The following RGS16 variants were observed in gnomAD, a reference collection of about 807,000 sequenced individuals.
RGS16 encodes regulator of G protein signaling 16.
In RGS16, 12 loss-of-function variants were observed where a neutral mutation model predicts 18.1. The observed-to-expected ratio is 0.66, with a 90% confidence interval of 0.42 to 1.07. The LOEUF (loss-of-function observed/expected upper bound fraction) is 1.07, where lower values mean the gene tolerates loss of function less well. RGS16 is among the 50% of genes least tolerant of loss of function. The pLI is 0.00. For synonymous variants in RGS16, 88 were observed against 102.0 expected, an observed-to-expected ratio of 0.86 and a Z score of 0.83; for missense variants, 238 against 249.2, an observed-to-expected ratio of 0.95 and a Z score of 0.30.
Position 182,600,366 on chromosome 1 carries a change from C to A in RGS16, c.535G>T (p.Asp179Tyr), listed in dbSNP as rs150608924. 2.3e-4 allele frequency: 369 copies of A among 1,613,838 alleles called. 4 individuals are homozygous for A. In the African/African-American group the frequency reaches 4.4e-3, roughly 19 times the overall value. ...GCGGCTGAGGCTTGGGCAGCCAGGT[C>A]CCGGTAAGCAGGCGACTTCAGGAAG... ...PRFLKSPAYR[D>Y]LAAQASAASA... is the part of the protein sequence containing the mutation. The change falls in exon 5 of 5, where the codon GAC becomes TAC. Residue 179 changes from aspartate to tyrosine, a missense_variant. By Grantham distance (160) the Asp-to-Tyr change is radical. Transcript: ENST00000367558.
intron 3 of RGS16, 62 bp downstream of exon 3, chr1:182,602,358 G>A: frequency 1.2e-5 from 17 of 1,427,080 alleles, no homozygotes; most frequent in Non-Finnish European, 1.6e-5. Flanking sequence ...CCTGGGGCTG[G>A]CTCCAAAGCA....
At chr1:182,604,141 G>C in intron 1 of RGS16, 75 bp downstream of exon 1, 1 of 1,500,150 alleles carries the variant, frequency 6.7e-7, no homozygotes, top group East Asian at 2.5e-5. Context: ...CGCCCACCCA[G>C]GTCCCCAGGC....
rs1162310128 is a variant in RGS16 at position 182,604,380 on chromosome 1, G to A, written c.-121C>T. 2 of 904,982 alleles carry A rather than the reference G, an allele frequency of 2.2e-6. No individual in the cohort carries two copies. The highest frequency in any genetic ancestry group is 3.3e-6 in the Non-Finnish European group (2 of 613,786). 56.1% of individuals were successfully genotyped at this position (904,982 alleles called of 1,614,324 possible). A position where few individuals can be genotyped will look rare whatever the true frequency, so the allele number is the denominator to read the frequency against. On this transcript the variant is annotated 5_prime_UTR_variant, in exon 1 of 5. Transcript: ENST00000367558. ...TAGTCAACTGCGGTTGGGTTTAGCA[G>A]CCTGCAAGCGCCCAGACTGAGCGGC...
rs760327204 is a variant in RGS16 at position 182,600,357 on chromosome 1, C to T, written c.544G>A (p.Ala182Thr). ...GTGGCAGAGGCGGCTGAGGCTTGGG[C>T]AGCCAGGTCCCGGTAAGCAGGCGAC... ...LKSPAYRDLA[A>T]QASAASATLS... The change falls in exon 5 of 5, where the codon GCC becomes ACC. Residue 182 changes from alanine (A) to threonine (T), a missense_variant. Transcript: ENST00000367558. The T allele has an allele frequency of 1.9e-6, 3 of 1,613,780 alleles. No homozygotes were observed. Among genetic ancestry groups the T allele is most frequent in the Non-Finnish European group, 2.5e-6 (3 of 1,179,974 alleles).
rs1661810683 is a variant in RGS16 at position 182,598,850 on chromosome 1, T to G, written c.*1442A>C. 1 of 152,634 alleles carries G rather than the reference T, an allele frequency of 6.6e-6. No individual in the cohort carries two copies. The highest frequency in any genetic ancestry group is 2.4e-5 in the African/African-American group (1 of 41,428). The allele number at this position is 152,634 out of a possible 1,614,324, so 9.5% of individuals were successfully genotyped here. A position where few individuals can be genotyped will look rare whatever the true frequency, so the allele number is the denominator to read the frequency against. Reference sequence around the variant, plus strand: ...CAGGCTGAAACCCCTGCTGAGATTCTCCAGTAGAGGCAAACTGAAATTACA... The same window carrying G: ...CAGGCTGAAACCCCTGCTGAGATTCGCCAGTAGAGGCAAACTGAAATTACA... On this transcript the variant is annotated 3_prime_UTR_variant, in exon 5 of 5. Transcript: ENST00000367558.
rs1661872052 is a variant in RGS16 at position 182,601,987 on chromosome 1, A to G, written c.366T>C (p.Ile122=). ...TAACCTCTTTAGGGGCCTCACTGCA[A>G]ATGAACTCCTCAAAGATCTGGTGTG... ...SRAHQIFEEF[I]CSEAPKEVNI... is the part of the protein sequence containing the mutation. Residue 122 remains isoleucine (I), a synonymous_variant, in exon 4 of 5, where the codon ATT becomes ATC. Coordinates refer to ENST00000367558, the MANE Select transcript of RGS16 (RefSeq NM_002928.4). 6.2e-7 allele frequency: 1 copy of G among 1,614,116 alleles called. No homozygotes were observed. The highest frequency in any genetic ancestry group is 1.3e-5 in the African/African-American group (1 of 75,002).
chr1:182,603,191 T>C (rs1165829633), intron 2 of RGS16, 38 bp downstream of exon 2: 1 of 1,456,904 alleles, frequency 6.9e-7, no homozygotes, highest in Non-Finnish European at 9.6e-7. Flanking sequence ...TCCCACTCCC[T>C]TCCCTCTCGG....
chr1:182,601,909 A>T (rs747365225), intron 4 of RGS16, 57 bp downstream of exon 4: 33 of 1,599,944 alleles, frequency 2.1e-5, no homozygotes, highest in Admixed American at 1.0e-4. Flanking sequence ...CCTGATTCTC[A>T]GAGGGGAAGG....
In RGS16 at chr1:182,602,060, C is replaced by G. The variant is rs754541562; in HGVS notation, c.293G>C (p.Cys98Ser). The G allele has an allele frequency of 1.9e-6, 3 of 1,614,068 alleles. No individual in the cohort carries two copies. Among genetic ancestry groups the G allele is most frequent in the African/African-American group, 2.7e-5 (2 of 74,916 alleles). The change falls in exon 4 of 5, where the codon TGT becomes TCT. Residue 98 changes from cysteine to serine, a missense_variant. Coordinates refer to ENST00000367558, the MANE Select transcript of RGS16 (RefSeq NM_002928.4). ...SEENLEFWLACEEFKKIRSAT... is the reference protein window; with the variant it reads ...SEENLEFWLASEEFKKIRSAT... ...TGATCGGATCTTCTTGAACTCCTCA[C>G]AGGCCAGCCAGAACTCCAGGTTCTC...
In RGS16 at chr1:182,600,325, G is replaced by A. The variant is rs751721327; in HGVS notation, c.576C>T (p.Ser192=). The change falls in exon 5 of 5, where the codon TCC becomes TCT. Residue 192 remains serine, a synonymous_variant. Coordinates refer to ENST00000367558, the MANE Select transcript of RGS16 (RefSeq NM_002928.4). ...AQASAASATL[S]SCSLDEPSHT Reference sequence around the variant, plus strand: ...GTGAGGGCTCGTCCAGGCTGCAGCTGGACAGAGTGGCAGAGGCGGCTGAGG... The same window carrying A: ...GTGAGGGCTCGTCCAGGCTGCAGCTAGACAGAGTGGCAGAGGCGGCTGAGG... The A allele has an allele frequency of 1.9e-5, 30 of 1,613,940 alleles. No homozygotes were observed. The South Asian group carries it at 2.6e-4, about 14-fold the overall frequency.
At chr1:182,601,944 C>CT in intron 4 of RGS16, 22 bp downstream of exon 4, 1 of 1,613,936 alleles carries the variant, frequency 6.2e-7, no homozygotes, top group Non-Finnish European at 8.5e-7. Context: ...TGAGGATTCA[C>CT]TGGGCATATG....
At chr1:182,600,736 T>A (rs950386025) in intron 4 of RGS16, among the ~76,000 whole-genome samples, 1 of 152,202 alleles carries the variant, frequency 6.6e-6, no homozygotes, top group Non-Finnish European at 1.5e-5. Context: ...CTATCAAGAA[T>A]GTATACAAAC....
In RGS16 at chr1:182,602,132, T is replaced by A; in HGVS notation, c.221A>T (p.Asn74Ile). ...GAAAGCGTGGAAGGCAGCCACTCCATCTGGGGTTGCGGGAAAGAAGAGGAA... is the reference window on the plus strand; with the variant it reads ...GAAAGCGTGGAAGGCAGCCACTCCAACTGGGGTTGCGGGAAAGAAGAGGAA... Reference protein sequence around the residue: ...ESFDLLLSSKNGVAAFHAFLK... With the variant: ...ESFDLLLSSKIGVAAFHAFLK... The change falls in exon 4 of 5, where the codon AAT (asparagine) becomes ATT (isoleucine). Residue 74 changes from asparagine to isoleucine, a missense_variant and splice_region_variant. Transcript: ENST00000367558. The A allele has an allele frequency of 1.2e-6, 2 of 1,613,892 alleles. No homozygotes were observed. The highest frequency in any genetic ancestry group is 2.2e-5 in the South Asian group (2 of 91,054).
In RGS16 at chr1:182,602,382, G is replaced by A. The variant is rs777858217; in HGVS notation, c.220+38C>T. 3 of 1,588,162 alleles carry A rather than the reference G, an allele frequency of 1.9e-6. No individual in the cohort carries two copies. In the South Asian group the frequency reaches 3.3e-5, roughly 18 times the overall value. On this transcript the variant is annotated intron_variant, in intron 3 of 4. Transcript: ENST00000367558. ...GGCTCCAAAGCACATGAGTACACAT[G>A]TGCCACCCAGAGACAGACACAAAAG... is the stretch of plus-strand genomic sequence containing the variant.
At position 182,599,321 on chromosome 1, in the gene RGS16, G is replaced by A. The variant is rs1661820529; in HGVS notation, c.*971C>T. ...AAAAAACACTGGCTGGATTTCAGCA[G>A]GACTCTCAGGGACCGCCAAGAGACT... On this transcript the variant is annotated 3_prime_UTR_variant, in exon 5 of 5. Transcript: ENST00000367558. 1 of 152,270 alleles carries A rather than the reference G, an allele frequency of 6.6e-6. No individual in the cohort carries two copies. Among genetic ancestry groups the A allele is most frequent in the African/African-American group, 2.4e-5 (1 of 41,458 alleles). The allele number at this position is 152,270 out of a possible 1,614,324, so 9.4% of individuals were successfully genotyped here. A position where few individuals can be genotyped will look rare whatever the true frequency, so the allele number is the denominator to read the frequency against.
rs1014401722 is a variant in RGS16 at position 182,599,737 on chromosome 1, G to C, written c.*555C>G. 1.3e-5 allele frequency: 2 copies of C among 156,700 alleles called. No individual in the cohort carries two copies. Among genetic ancestry groups the C allele is most frequent in the African/African-American group, 4.8e-5 (2 of 41,420 alleles). The allele number at this position is 156,700 out of a possible 1,614,324, so 9.7% of individuals were successfully genotyped here. On this transcript the variant is annotated 3_prime_UTR_variant, in exon 5 of 5. Transcript: ENST00000367558. ...CTGGACAGACACACAGGAGTGTTAC[G>C]AGGTACAAGCTAAGGGACTCTGGGC...
chr1:182,602,310 A>G, intron 3 of RGS16, 110 bp downstream of exon 3: 2 of 1,079,700 alleles, frequency 1.9e-6, no homozygotes, highest in Admixed American at 4.3e-5. Flanking sequence ...TATTATTATT[A>G]TTACTACTAC....
At position 182,602,459 on chromosome 1, in the gene RGS16, C is replaced by A; in HGVS notation, c.181G>T (p.Gly61Trp). Residue 61 changes from glycine to tryptophan, a missense_variant, in exon 3 of 5, where the codon GGG becomes TGG. By Grantham distance (184) the Gly-to-Trp change is radical (BLOSUM62 -2). Coordinates refer to ENST00000367558, the MANE Select transcript of RGS16 (RefSeq NM_002928.4). ...AGCAGGTCGAACGACTCTCTCCACC[C>A]CAGCACATCTTCTGAGAAGTTTCTA... ...ENRNFSEDVL[G>W]WRESFDLLLS... 6.2e-7 allele frequency: 1 copy of A among 1,613,758 alleles called. No individual in the cohort carries two copies. The highest frequency in any genetic ancestry group is 8.5e-7 in the Non-Finnish European group (1 of 1,179,926).
rs1387646001 is a variant in RGS16, at chr1:182,599,210, CCA to C, written c.*1080_*1081del. 1 of 152,360 alleles carries C rather than the reference CCA, an allele frequency of 6.6e-6. No individual in the cohort carries two copies. The highest frequency in any genetic ancestry group is 2.4e-5 in the African/African-American group (1 of 41,448). The allele number at this position is 152,360 out of a possible 1,614,324, so 9.4% of individuals were successfully genotyped here. On this transcript the variant is annotated 3_prime_UTR_variant, in exon 5 of 5. Transcript: ENST00000367558. ...TGGTCCTGGGCCACCTCTGCCCACT[CCA>C]GTGTTCATCTCACGTCTGCAGGAAA...
Sources: allele counts gnomAD v4.1 joint callset (sites outside exome capture counted in the v4.1 genomes callset), GRCh38; gene constraint gnomAD v4.1.1; transcripts MANE v1.5; gene names NCBI Gene and HGNC (gene_info 2026-07-23, HGNC 2026-07-21).